The following GPHN variants were observed in gnomAD, a reference collection of about 807,000 sequenced individuals.
The protein encoded by GPHN is gephyrin.
A neutral mutation model predicts 95.5 loss-of-function variants in GPHN; 17 were observed. That is an observed-to-expected ratio of 0.18 (90% CI 0.12 to 0.27). The LOEUF (loss-of-function observed/expected upper bound fraction) is 0.27. Among genes scored for constraint, GPHN ranks in the 10% least tolerant of loss-of-function variants. The pLI, the probability that GPHN is intolerant of heterozygous loss-of-function variation, is 1.00. For synonymous variants in GPHN, 320 were observed against 322.5 expected, an observed-to-expected ratio of 0.99 and a Z score of 0.08; for missense variants, 660 against 978.1, an observed-to-expected ratio of 0.67 and a Z score of 4.34.
chr14:66,826,984 G>A (rs1331972631), intron 4 of GPHN, among the ~76,000 whole-genome samples: 2 of 152,006 alleles, frequency 1.3e-5, no homozygotes, highest in African/African-American at 4.8e-5. Flanking sequence ...AAACTCAGGT[G>A]TGATCTGAAG....
intron 1 of GPHN, among the ~76,000 whole-genome samples, chr14:66,552,358 CT>C (rs2059844947): frequency 6.6e-6 from 1 of 152,194 alleles, no homozygotes; most frequent in African/African-American, 2.4e-5. Flanking sequence ...ACTCACTCCC[CT>C]AGTGTGATTT....
chr14:67,224,787 T>G, the GPHN span: 1 of 246,982 alleles, frequency 4.0e-6, no homozygotes, highest in Non-Finnish European at 7.9e-6. Flanking sequence ...CATCTTTCTT[T>G]TCCATGTTCC....
chr14:66,571,356 A>G lies in GPHN; in HGVS notation c.64+62765A>G, dbSNP rs1329650266. ...CCTCCATTGACACATGGGGAATTAC[A>G]ATTCGAAATGAGATTTGGGTGGGGA... is the stretch of plus-strand genomic sequence containing the variant. On this transcript the variant is annotated intron_variant, in intron 1 of 22. Coordinates refer to ENST00000478722, the MANE Select transcript of GPHN (RefSeq NM_020806.5). Among the ~76,000 whole-genome samples the G allele has an allele frequency of 1.3e-5, 2 of 152,110 alleles. 1 individual carries two copies. The highest frequency in any genetic ancestry group is 6.3e-3 in the Middle Eastern group (2 of 316).
the GPHN span, among the ~76,000 whole-genome samples, chr14:67,319,473 C>G: frequency 3.9e-5 from 6 of 152,112 alleles, no homozygotes; most frequent in Non-Finnish European, 7.3e-5. Context: ...GTGGAGATAG[C>G]ATGCATATGG....
chr14:67,506,740 C>A, the GPHN span, among the ~76,000 whole-genome samples: 1 of 152,172 alleles, frequency 6.6e-6, no homozygotes, highest in East Asian at 1.9e-4. Flanking sequence ...AATCCCAACA[C>A]TTTGGGAGGC....
the GPHN span, among the ~76,000 whole-genome samples, chr14:67,300,780 A>G: frequency 1.3e-5 from 2 of 152,204 alleles, no homozygotes; most frequent in African/African-American, 2.4e-5. Flanking sequence ...AATGTAATCC[A>G]TTATATTATG....
the GPHN span, chr14:67,365,142 T>G: frequency 1.0e-6 from 1 of 1,003,420 alleles, no homozygotes; most frequent in Non-Finnish European, 1.4e-6. Flanking sequence ...ACATACAAAG[T>G]TGTTAGAAAA....
chr14:67,712,142 A>T, the GPHN span, among the ~76,000 whole-genome samples: 1 of 150,942 alleles, frequency 6.6e-6, no homozygotes, highest in Non-Finnish European at 1.5e-5. Context: ...CTGGTCTTGA[A>T]CTCCTGACCT....
chr14:67,269,130 C>G, the GPHN span, among the ~76,000 whole-genome samples: 8 of 152,104 alleles, frequency 5.3e-5, no homozygotes, highest in African/African-American at 1.9e-4. Flanking sequence ...AGTATGTGGT[C>G]GTGGTCCTTT....
chr14:67,309,551 C>A, the GPHN span, among the ~76,000 whole-genome samples: 31 of 152,234 alleles, frequency 2.0e-4, no homozygotes, highest in African/African-American at 7.2e-4. Flanking sequence ...GGGCCCTGTT[C>A]CAAGCCAGTT....
At chr14:67,722,688 T>A in the GPHN span, 5 of 1,613,862 alleles carry the variant, frequency 3.1e-6, no homozygotes, top group Non-Finnish European at 4.2e-6. Flanking sequence ...CTCGTTCCTG[T>A]ATATGGTAGC....
At chr14:67,214,486 C>T in the GPHN span, among the ~76,000 whole-genome samples, 5 of 152,106 alleles carry the variant, frequency 3.3e-5, no homozygotes, top group East Asian at 1.9e-4. Flanking sequence ...AGACGTGCGG[C>T]GTTATTTCTG....
At chr14:66,557,008 G>A (rs942104146) in intron 1 of GPHN, among the ~76,000 whole-genome samples, 1 of 151,818 alleles carries the variant, frequency 6.6e-6, no homozygotes, top group Non-Finnish European at 1.5e-5. Context: ...GACCTGCTTG[G>A]CCAAGATGAC....
chr14:67,717,835 G>A, the GPHN span: 1 of 152,170 alleles, frequency 6.6e-6, no homozygotes, highest in Admixed American at 6.5e-5. Context: ...AGACCAAGGT[G>A]GAAGGATCAC....
chr14:67,535,370 C>CTTTTTTTTTTTT, the GPHN span, among the ~76,000 whole-genome samples: 1 of 74,192 alleles, frequency 1.3e-5, no homozygotes, highest in Non-Finnish European at 2.4e-5. Flanking sequence ...GTGAGCACAT[C>CTTTTTTTTTTTT]TTTTTTTTTT....
chr14:66,801,547 T>TTC (rs367966581), intron 3 of GPHN, among the ~76,000 whole-genome samples: 5 of 147,966 alleles, frequency 3.4e-5, no homozygotes, highest in Admixed American at 6.7e-5. Context: ...TCTTCTCTCA[T>TTC]TCTCTCTCTC....
rs142046392 is a variant in GPHN at position 66,635,421 on chromosome 14, GATT to G, written c.65-45681_65-45679del. ...TGAAACTTACTTTGAAACTTTGAAAGATTATTAGCAATTTTCCAAATAGTTTAA... is the reference window on the plus strand; with the variant it reads ...TGAAACTTACTTTGAAACTTTGAAAGATTAGCAATTTTCCAAATAGTTTAA... On this transcript the variant is annotated intron_variant, in intron 1 of 22. Transcript: ENST00000478722. 7.3e-3 allele frequency among the ~76,000 whole-genome samples: 1,111 copies of G among 152,210 alleles called. 7 individuals are homozygous for G. The highest frequency in any genetic ancestry group is 0.026 in the African/African-American group (1,061 of 41,546).
chr14:67,255,221 G>A, the GPHN span, among the ~76,000 whole-genome samples: 1 of 152,146 alleles, frequency 6.6e-6, no homozygotes, highest in Non-Finnish European at 1.5e-5. Context: ...GTTTTTCAGG[G>A]AAGGTAATTG....
chr14:67,225,962 T>TGTGCGCGCGC, the GPHN span, among the ~76,000 whole-genome samples: 260 of 113,474 alleles, frequency 2.3e-3, 2 homozygotes, highest in African/African-American at 0.013. Flanking sequence ...TGTGTGTGTG[T>TGTGCGCGCGC]GCGCGCGCGC....
Sources: gnomAD v4.1 joint callset for allele counts (sites outside exome capture counted in the v4.1 genomes callset) on GRCh38, gnomAD v4.1.1 for gene constraint, MANE v1.5 for transcripts, NCBI Gene and HGNC (gene_info 2026-07-23, HGNC 2026-07-21) for gene names.